The following PLCE1 variants were observed in gnomAD, a reference collection of about 807,000 sequenced individuals.
PLCE1 encodes the protein phospholipase C epsilon 1.
A neutral mutation model predicts 242.8 loss-of-function variants in PLCE1; 119 were observed. The observed-to-expected ratio is 0.49, with a 90% CI of 0.42 to 0.57. PLCE1 has a LOEUF of 0.57. PLCE1 is among the 20% of genes least tolerant of loss of function. The pLI is 0.00. For missense variants in PLCE1, 2,441 were observed against 2,788.8 expected, an observed-to-expected ratio of 0.88 and a Z score of 2.81; for synonymous variants, 945 against 1,017.4, an observed-to-expected ratio of 0.93 and a Z score of 1.35.
chr10:94,137,971 T>C, intron 3 of PLCE1: 1 of 392,898 alleles, frequency 2.5e-6, no homozygotes, highest in Admixed American at 3.0e-5. Context: ...TGCACTCCAT[T>C]CATCCTGATA....
Position 94,306,511 on chromosome 10 carries a change from A to T in PLCE1, c.5707A>T (p.Ser1903Cys). ...CGACGTCCTGGGCATGCCTCTGGAC[A>T]GCTGCCATTTCCGCACAAAGCCCAT... ...EVDVLGMPLD[S>C]CHFRTKPIHR... Residue 1903 changes from serine to cysteine, a missense_variant, in exon 26 of 33, where the codon AGC becomes TGC. Physicochemically the swap from Ser to Cys is moderately radical, Grantham distance 112. Around this residue, in one of 5 missense-constraint regions of PLCE1, gnomAD observed 1,004 missense variants for 1,322.7 expected, o/e 0.76. Coordinates refer to ENST00000371380, the MANE Select transcript of PLCE1 (RefSeq NM_016341.4). The surrounding 1 kb of genome is among the most constrained non-coding windows in gnomAD (Gnocchi z 5.7). 1 of 1,614,200 alleles carries T rather than the reference A, an allele frequency of 6.2e-7. No homozygotes were observed. Among genetic ancestry groups the T allele is most frequent in the Non-Finnish European group, 8.5e-7 (1 of 1,180,022 alleles).
chr10:94,002,370 C>G (rs954999034), intron 1 of PLCE1, among the ~76,000 whole-genome samples: 1 of 152,066 alleles, frequency 6.6e-6, no homozygotes, highest in Non-Finnish European at 1.5e-5. Context: ...AGGTGGAGGG[C>G]GTTCCTGTTG....
chr10:94,022,487 A>G (rs1210221649), intron 1 of PLCE1, among the ~76,000 whole-genome samples: 2 of 151,984 alleles, frequency 1.3e-5, no homozygotes, highest in African/African-American at 2.4e-5. Context: ...ATAAATATAT[A>G]TGTAAATCCA....
chr10:94,089,479 C>A, intron 2 of PLCE1: 2 of 786,670 alleles, frequency 2.5e-6, no homozygotes, highest in Non-Finnish European at 3.8e-6. Context: ...AGCCAAAATA[C>A]AATTCCTCTG....
chr10:94,000,621 A>G (rs912863843), intron 1 of PLCE1, among the ~76,000 whole-genome samples: 7 of 152,226 alleles, frequency 4.6e-5, no homozygotes, highest in African/African-American at 1.7e-4. Flanking sequence ...TGAGTCTCCC[A>G]GTTGAATGGC....
intron 27 of PLCE1, among the ~76,000 whole-genome samples, chr10:94,311,438 A>G (rs2133711067): frequency 6.6e-6 from 1 of 152,274 alleles, no homozygotes; most frequent in South Asian, 2.1e-4. Flanking sequence ...CAAAGACCAA[A>G]TATGTATTTT....
intron 22 of PLCE1, among the ~76,000 whole-genome samples, chr10:94,285,753 C>CAGAGTGGAGA (rs2052420950): frequency 6.6e-6 from 1 of 152,158 alleles, no homozygotes; most frequent in Non-Finnish European, 1.5e-5. Context: ...GTCACATTCT[C>CAGAGTGGAGA]CACTCTGAGC....
intron 32 of PLCE1, among the ~76,000 whole-genome samples, chr10:94,325,910 C>A (rs1366756981): frequency 6.6e-6 from 1 of 152,152 alleles, no homozygotes; most frequent in Non-Finnish European, 1.5e-5. Flanking sequence ...AAATAAAAAT[C>A]TGGCATCCGG....
chr10:94,197,613 A>G lies in PLCE1; in HGVS notation c.1809+26117A>G, dbSNP rs115486764. 4.4e-3 allele frequency among the ~76,000 whole-genome samples: 668 copies of G among 152,312 alleles called. 6 individuals are homozygous for G. Among genetic ancestry groups the G allele is most frequent in the African/African-American group, 0.015 (634 of 41,556 alleles). ...TATCTTTTCACCTGCTTATATTTGT[A>G]TATCTTCTTTGGATAAATCTCTGTT... is the stretch of plus-strand genomic sequence containing the variant. On this transcript the variant is annotated intron_variant, in intron 4 of 32. Transcript: ENST00000371380.
At chr10:94,050,538 T>C (rs2043734457) in intron 2 of PLCE1, among the ~76,000 whole-genome samples, 1 of 152,084 alleles carries the variant, frequency 6.6e-6, no homozygotes, top group South Asian at 2.1e-4. Flanking sequence ...CTTAAGATCC[T>C]GGCCATTTAA....
At chr10:94,206,443 A>G (rs939598733) in intron 4 of PLCE1, among the ~76,000 whole-genome samples, 1 of 152,196 alleles carries the variant, frequency 6.6e-6, no homozygotes, top group African/African-American at 2.4e-5. Context: ...ACAGGAAGTC[A>G]TTGAAAGTTG....
chr10:94,272,285 A>G (rs1564849302), intron 18 of PLCE1, among the ~76,000 whole-genome samples: 1 of 152,128 alleles, frequency 6.6e-6, no homozygotes, highest in Non-Finnish European at 1.5e-5. Flanking sequence ...CTAGGGTCTT[A>G]ATATTATATT....
At chr10:94,049,403 T>C (rs2043699967) in intron 2 of PLCE1, among the ~76,000 whole-genome samples, 1 of 152,196 alleles carries the variant, frequency 6.6e-6, no homozygotes, top group Admixed American at 6.5e-5. Context: ...TTTCCAGCTC[T>C]AATCTGACAT....
At chr10:94,042,568 A>G (rs2061789619) in intron 2 of PLCE1, among the ~76,000 whole-genome samples, 1 of 152,174 alleles carries the variant, frequency 6.6e-6, no homozygotes, top group African/African-American at 2.4e-5. Flanking sequence ...TAAATGTGCA[A>G]ATGTTGAGCT....
At position 94,161,445 on chromosome 10, in the gene PLCE1, A is replaced by T. The variant is rs533174741; in HGVS notation, c.1493-9735A>T. Reference sequence around the variant, plus strand: ...AATTGTGAATGGGAGTTCACTCATGATTTGGCTCTCTGTCTGTTATTGGTG... The same window carrying T: ...AATTGTGAATGGGAGTTCACTCATGTTTTGGCTCTCTGTCTGTTATTGGTG... On this transcript the variant is annotated intron_variant, in intron 3 of 32. Transcript: ENST00000371380. Among the ~76,000 whole-genome samples the T allele has an allele frequency of 2.0e-5, 3 of 152,266 alleles. No individual in the cohort carries two copies. In the South Asian group the frequency reaches 6.2e-4, roughly 32 times the overall value.
intron 1 of PLCE1, among the ~76,000 whole-genome samples, chr10:94,027,656 C>G (rs1007233058): frequency 4.6e-5 from 7 of 151,992 alleles, no homozygotes; most frequent in African/African-American, 1.7e-4. Flanking sequence ...CCCGTCTCCA[C>G]TAAAAATACA....
intron 2 of PLCE1, among the ~76,000 whole-genome samples, chr10:94,079,948 T>C (rs2044609404): frequency 6.6e-6 from 1 of 152,250 alleles, no homozygotes; most frequent in Non-Finnish European, 1.5e-5. Context: ...CGATTTGTTT[T>C]AACATTTCAA....
In PLCE1 at chr10:94,262,644, T is replaced by A. The variant is rs1384312021; in HGVS notation, c.3965T>A (p.Phe1322Tyr). Residue 1322 changes from phenylalanine to tyrosine, a missense_variant, in exon 14 of 33, where the codon TTT (phenylalanine) becomes TAT (tyrosine). Phe to Tyr is a conservative substitution (Grantham distance 22, BLOSUM62 3). Around this residue, in one of 5 missense-constraint regions of PLCE1, gnomAD observed 1,004 missense variants for 1,322.7 expected, o/e 0.76. Coordinates refer to ENST00000371380, the MANE Select transcript of PLCE1 (RefSeq NM_016341.4). ...ATTGAGAGCACATCTCTGGGCATTT[T>A]TGGGGTGGGCATACTTCAGCTCAAC... ...TGIESTSLGI[F>Y]GVGILQLNDF... 1.9e-6 allele frequency: 3 copies of A among 1,614,078 alleles called. No homozygotes were observed. The South Asian group carries it at 3.3e-5, about 18-fold the overall frequency.
intron 2 of PLCE1, among the ~76,000 whole-genome samples, chr10:94,119,564 C>G (rs2046240241): frequency 6.6e-6 from 1 of 152,108 alleles, no homozygotes; most frequent in Non-Finnish European, 1.5e-5. Context: ...ACATTTCCCC[C>G]TTTCTTACCC....
Sources: gnomAD v4.1 joint callset for allele counts (sites outside exome capture counted in the v4.1 genomes callset) on GRCh38, gnomAD v4.1.1 for gene constraint, gnomAD v4.1.1 regional missense constraint, Gnocchi (gnomAD v3.1) non-coding constraint, MANE v1.5 for transcripts, NCBI Gene and HGNC (gene_info 2026-07-23, HGNC 2026-07-21) for gene names.